The following EXOSC7 variants were observed in gnomAD, a reference collection of about 807,000 sequenced individuals.
EXOSC7 encodes the protein exosome complex component RRP42.
In EXOSC7, 25 loss-of-function variants were observed where a neutral mutation model predicts 34.3. The ratio of observed to expected loss-of-function variants is 0.73; its 90% confidence interval spans 0.53 to 1.02. The LOEUF (loss-of-function observed/expected upper bound fraction) is 1.02, where lower values mean the gene tolerates loss of function less well. EXOSC7 is among the 50% of genes least tolerant of loss of function. The probability of loss-of-function intolerance (pLI) is 0.00; values close to 1 mark genes in which losing one functional copy is unlikely to be tolerated. For missense variants in EXOSC7, 370 were observed against 368.5 expected (o/e 1.00, Z -0.03); for synonymous variants, 130 against 143.0 (o/e 0.91, Z 0.65).
chr3:44,983,600 T>C (rs1186088049), intron 1 of EXOSC7, among the ~76,000 whole-genome samples: 1 of 152,210 alleles, frequency 6.6e-6, no homozygotes, highest in African/African-American at 2.4e-5. Flanking sequence ...AGAGCTTTCC[T>C]GGCATCCAGA....
chr3:44,984,331 C>T (rs1706348885), intron 1 of EXOSC7, among the ~76,000 whole-genome samples: 1 of 152,108 alleles, frequency 6.6e-6, no homozygotes, highest in South Asian at 2.1e-4. Context: ...TAAAAATTAG[C>T]TGGGCATGTT....
intron 3 of EXOSC7, among the ~76,000 whole-genome samples, chr3:44,995,819 C>T (rs537337782): frequency 6.6e-6 from 1 of 152,316 alleles, no homozygotes; most frequent in South Asian, 2.1e-4. Context: ...GGGATTCATT[C>T]TTCCACCTAT....
At chr3:44,990,148 C>T (rs894841555) in intron 3 of EXOSC7, among the ~76,000 whole-genome samples, 2 of 152,190 alleles carry the variant, frequency 1.3e-5, no homozygotes, top group Admixed American at 6.5e-5. Context: ...GCAGTGTCTG[C>T]AGCCAGCCTT....
intron 3 of EXOSC7, among the ~76,000 whole-genome samples, chr3:44,991,191 T>C (rs1706561666): frequency 6.6e-6 from 1 of 152,156 alleles, no homozygotes; most frequent in African/African-American, 2.4e-5. Flanking sequence ...GAACTATCCA[T>C]GTTCATTTTT....
rs113232597 is a variant in EXOSC7, at chr3:44,982,278, C to G, written c.57+5944C>G. On this transcript the variant is annotated intron_variant, in intron 1 of 7. Coordinates refer to ENST00000265564, the MANE Select transcript of EXOSC7 (RefSeq NM_015004.4). Reference sequence around the variant, plus strand: ...ATTTCACGCCAAAAAGAGTTGGTCACCCTTTGGATTATATGCCTTTGGTTC... The same window carrying G: ...ATTTCACGCCAAAAAGAGTTGGTCAGCCTTTGGATTATATGCCTTTGGTTC... Among the ~76,000 whole-genome samples the G allele has an allele frequency of 9.5e-3, 1,450 of 152,330 alleles. 8 individuals are homozygous for G. The highest frequency in any genetic ancestry group is 0.016 in the Non-Finnish European group (1,097 of 68,034).
Position 44,978,303 on chromosome 3 carries a change from A to T in EXOSC7, c.57+1969A>T, listed in dbSNP as rs919542151. Among the ~76,000 whole-genome samples, 8 of 151,676 alleles carry T rather than the reference A, an allele frequency of 5.3e-5. No individual in the cohort carries two copies. The Admixed American group carries it at 5.3e-4, about 10-fold the overall frequency. Reference sequence around the variant, plus strand: ...GTGAGAGCCCATCTCTAAAGAAATAATTTTTTTTTAATAAATAAAAAGAAT... The same window carrying T: ...GTGAGAGCCCATCTCTAAAGAAATATTTTTTTTTTAATAAATAAAAAGAAT... On this transcript the variant is annotated intron_variant, in intron 1 of 7. Transcript: ENST00000265564.
chr3:44,989,760 C>T (rs1314499228), intron 3 of EXOSC7, 116 bp downstream of exon 3: 2 of 780,830 alleles, frequency 2.6e-6, no homozygotes, highest in Non-Finnish European at 2.1e-6. Context: ...TTCAGCCATC[C>T]AGCAGGCATT....
At chr3:44,998,156 C>T (rs1706778980) in intron 4 of EXOSC7, among the ~76,000 whole-genome samples, 1 of 151,996 alleles carries the variant, frequency 6.6e-6, no homozygotes, top group Middle Eastern at 3.4e-3. Context: ...ATGTCTCAGC[C>T]TCCTGAGTAG....
At chr3:44,980,925 C>A (rs1057107822) in intron 1 of EXOSC7, among the ~76,000 whole-genome samples, 1 of 152,216 alleles carries the variant, frequency 6.6e-6, no homozygotes, top group Non-Finnish European at 1.5e-5. Context: ...TTGGAGCAGA[C>A]TTCAGAATTT....
At chr3:44,987,973 G>T (rs940837245) in intron 1 of EXOSC7, among the ~76,000 whole-genome samples, 6 of 152,178 alleles carry the variant, frequency 3.9e-5, no homozygotes, top group Admixed American at 3.9e-4. Flanking sequence ...AAACAGATTT[G>T]TGTGTGTGTG....
intron 5 of EXOSC7, chr3:45,002,144 G>A (rs533559767): frequency 6.6e-6 from 1 of 152,540 alleles, no homozygotes; most frequent in East Asian, 1.9e-4. Context: ...TTGTGTAGAA[G>A]GGACAAGTTG....
Position 45,001,570 on chromosome 3 carries a change from C to T in EXOSC7, c.453C>T (p.Ala151=). Residue 151 remains alanine (A), a synonymous_variant, in exon 5 of 8, where the codon GCC becomes GCT. Coordinates refer to ENST00000265564, the MANE Select transcript of EXOSC7 (RefSeq NM_015004.4). ...LLECGGNLFD[A]ISIAVKAALF... ...AATGTGGTGGAAATTTGTTTGATGC[C>T]ATTTCCATTGCTGTAAAGGCTGCTC... 1 of 1,613,664 alleles carries T rather than the reference C, an allele frequency of 6.2e-7. No homozygotes were observed. The highest frequency in any genetic ancestry group is 2.2e-5 in the East Asian group (1 of 44,868).
chr3:45,000,734 C>G (rs545514622), intron 4 of EXOSC7, among the ~76,000 whole-genome samples: 11 of 152,278 alleles, frequency 7.2e-5, no homozygotes, highest in East Asian at 3.9e-4. Context: ...TAGTAGCAGC[C>G]GCAACATCAG....
chr3:44,993,860 G>T (rs1359818929), intron 3 of EXOSC7, among the ~76,000 whole-genome samples: 3 of 152,138 alleles, frequency 2.0e-5, no homozygotes, highest in African/African-American at 7.2e-5. Context: ...TTTATTTAGG[G>T]CTTCCTTGGT....
At chr3:45,005,218 C>T in intron 5 of EXOSC7, 73 bp from the exon 6 acceptor site, 1 of 1,547,206 alleles carries the variant, frequency 6.5e-7, no homozygotes, top group Non-Finnish European at 8.9e-7. Context: ...GATTCCAACT[C>T]CTATTCTCAA....
In EXOSC7 at chr3:44,978,742, G is replaced by A. The variant is rs561575151; in HGVS notation, c.57+2408G>A. On this transcript the variant is annotated intron_variant, in intron 1 of 7. Coordinates refer to ENST00000265564, the MANE Select transcript of EXOSC7 (RefSeq NM_015004.4). ...GTGGAGGACATGTGGAGCCCAAGGG[G>A]TGGGCTGGGGGAAATGGTGGAAGAT... 2.0e-5 allele frequency among the ~76,000 whole-genome samples: 3 copies of A among 152,312 alleles called. No individual in the cohort carries two copies. In the South Asian group the frequency reaches 6.2e-4, roughly 32 times the overall value.
At chr3:44,992,713 T>TA (rs945417691) in intron 3 of EXOSC7, among the ~76,000 whole-genome samples, 1 of 152,202 alleles carries the variant, frequency 6.6e-6, no homozygotes, top group African/African-American at 2.4e-5. Flanking sequence ...GGTTTCTATC[T>TA]AAAGCCCAAA....
intron 6 of EXOSC7, among the ~76,000 whole-genome samples, chr3:45,006,927 G>A (rs1707065523): frequency 6.6e-6 from 1 of 151,780 alleles, no homozygotes; most frequent in Non-Finnish European, 1.5e-5. Flanking sequence ...GTCTTGCCAT[G>A]TTGCCTGGGC....
intron 1 of EXOSC7, among the ~76,000 whole-genome samples, chr3:44,979,554 G>C (rs559820739): frequency 3.9e-5 from 6 of 151,956 alleles, no homozygotes; most frequent in African/African-American, 1.4e-4. Context: ...TTACAAGGCT[G>C]CAAGTGTTTC....
Sources: gnomAD v4.1 joint callset for allele counts (sites outside exome capture counted in the v4.1 genomes callset) on GRCh38, gnomAD v4.1.1 for gene constraint, MANE v1.5 for transcripts, NCBI Gene and HGNC (gene_info 2026-07-23, HGNC 2026-07-21) for gene names.